PARD3: variants seen among roughly 807,000 people sequenced by gnomAD.
PARD3 encodes the protein partitioning defective 3 homolog.
Under a neutral mutation model 155.4 loss-of-function variants are expected in PARD3, and 75 were observed. The observed-to-expected ratio is 0.48, with a 90% CI of 0.40 to 0.58. PARD3 has a LOEUF of 0.58. PARD3 is among the 20% of genes least tolerant of loss of function. The probability of loss-of-function intolerance (pLI) is 0.00; values close to 1 mark genes in which losing one functional copy is unlikely to be tolerated. For missense variants in PARD3, 1,642 were observed against 1,721.7 expected, an observed-to-expected ratio of 0.95 and a Z score of 0.82; for synonymous variants, 576 against 610.5, an observed-to-expected ratio of 0.94 and a Z score of 0.83.
intron 6 of PARD3, 115 bp from the exon 7 acceptor site, chr10:34,399,528 G>A: frequency 1.4e-6 from 1 of 711,226 alleles, no homozygotes; most frequent in Non-Finnish European, 2.5e-6. Flanking sequence ...CAACAAAAGA[G>A]AACAGAACAA....
At chr10:34,483,412 G>T (rs2079220605) in intron 3 of PARD3, among the ~76,000 whole-genome samples, 1 of 148,732 alleles carries the variant, frequency 6.7e-6, no homozygotes, top group Non-Finnish European at 1.5e-5. Flanking sequence ...AGCCTGGGAG[G>T]TCATGGCTGC....
intron 14 of PARD3, among the ~76,000 whole-genome samples, chr10:34,354,149 A>C (rs1838519289): frequency 6.6e-6 from 1 of 151,890 alleles, no homozygotes; most frequent in Non-Finnish European, 1.5e-5. Flanking sequence ...AAAACAAAAA[A>C]AAAACGCCAG....
chr10:34,736,866 A>G (rs1248146887), intron 1 of PARD3, among the ~76,000 whole-genome samples: 1 of 151,980 alleles, frequency 6.6e-6, no homozygotes, highest in Non-Finnish European at 1.5e-5. Flanking sequence ...TAGTAGAAAC[A>G]GGGTTTCGCC....
chr10:34,760,907 T>C (rs993586769), intron 1 of PARD3, among the ~76,000 whole-genome samples: 46 of 152,194 alleles, frequency 3.0e-4, no homozygotes, highest in African/African-American at 1.1e-3. Context: ...ACAGAAACTA[T>C]GAGTCAGTAA....
chr10:34,436,198 C>T (rs1303564673), intron 5 of PARD3, among the ~76,000 whole-genome samples: 1 of 152,184 alleles, frequency 6.6e-6, no homozygotes, highest in Non-Finnish European at 1.5e-5. Flanking sequence ...GAACTCAATG[C>T]TCTAACAGAG....
chr10:34,476,190 T>C (rs2078693363), intron 3 of PARD3, among the ~76,000 whole-genome samples: 1 of 152,196 alleles, frequency 6.6e-6, no homozygotes, highest in Non-Finnish European at 1.5e-5. Context: ...GAGAAGTGTT[T>C]TATGCCGACA....
At chr10:34,312,478 A>G (rs1957755458) in intron 20 of PARD3, 1 of 1,150,440 alleles carries the variant, frequency 8.7e-7, no homozygotes, top group South Asian at 1.3e-5. Context: ...TAAGATGTAT[A>G]ATCCAAACTA....
chr10:34,284,625 A>T (rs1306203377), intron 20 of PARD3, among the ~76,000 whole-genome samples: 5 of 152,210 alleles, frequency 3.3e-5, no homozygotes, highest in Non-Finnish European at 7.3e-5. Context: ...CTTAGGACTA[A>T]AGAATGATAA....
intron 5 of PARD3, among the ~76,000 whole-genome samples, chr10:34,423,017 C>T (rs2075401433): frequency 6.6e-6 from 1 of 152,100 alleles, no homozygotes; most frequent in Non-Finnish European, 1.5e-5. Context: ...TTAGCGAAGA[C>T]ATGGAATCAA....
intron 14 of PARD3, among the ~76,000 whole-genome samples, chr10:34,353,477 C>A (rs1838420394): frequency 6.6e-6 from 1 of 152,066 alleles, no homozygotes; most frequent in Non-Finnish European, 1.5e-5. Context: ...GGATTAAGGG[C>A]GGTGCAAGAT....
At chr10:34,726,859 G>C (rs577288879) in intron 1 of PARD3, among the ~76,000 whole-genome samples, 1 of 152,024 alleles carries the variant, frequency 6.6e-6, no homozygotes, top group African/African-American at 2.4e-5. Context: ...TCTCCTTTCT[G>C]AGCACAGACC....
chr10:34,299,472 C>T (rs1004911637), intron 20 of PARD3, among the ~76,000 whole-genome samples: 8 of 152,150 alleles, frequency 5.3e-5, no homozygotes, highest in Non-Finnish European at 1.2e-4. Flanking sequence ...GTATAGACAA[C>T]GGTGGAAGAC....
chr10:34,208,124 G>A (rs1197342974), intron 22 of PARD3, among the ~76,000 whole-genome samples: 2 of 152,152 alleles, frequency 1.3e-5, no homozygotes, highest in African/African-American at 2.4e-5. Context: ...GCATTTTTTA[G>A]AGACATAACC....
intron 3 of PARD3, among the ~76,000 whole-genome samples, chr10:34,475,624 T>C (rs1049249390): frequency 6.6e-6 from 1 of 152,314 alleles, no homozygotes; most frequent in East Asian, 1.9e-4. Flanking sequence ...TGGAAAATAT[T>C]AGTTACTGAG....
At chr10:34,446,723 T>A (rs1299267297) in intron 5 of PARD3, among the ~76,000 whole-genome samples, 3 of 152,250 alleles carry the variant, frequency 2.0e-5, no homozygotes, top group Admixed American at 1.3e-4. Context: ...AATGTTTGTA[T>A]GCTAACACTT....
At chr10:34,381,187 C>A (rs749720318) in intron 9 of PARD3, among the ~76,000 whole-genome samples, 2 of 152,096 alleles carry the variant, frequency 1.3e-5, no homozygotes, top group Non-Finnish European at 2.9e-5. Flanking sequence ...GTAAATGCTA[C>A]CCCAAATGTA....
At chr10:34,637,800 A>C (rs548859042) in intron 2 of PARD3, among the ~76,000 whole-genome samples, 63 of 152,348 alleles carry the variant, frequency 4.1e-4, no homozygotes, top group African/African-American at 1.5e-3. Context: ...CAAAAACAGA[A>C]GTGAACCTAA....
At chr10:34,774,301 A>T (rs1172873134) in intron 1 of PARD3, among the ~76,000 whole-genome samples, 1 of 152,254 alleles carries the variant, frequency 6.6e-6, no homozygotes, top group African/African-American at 2.4e-5. Context: ...CTTTTAGGCA[A>T]GGCTTGGCTT....
At chr10:34,186,392 TC>T (rs1203488539) in intron 22 of PARD3, among the ~76,000 whole-genome samples, 1 of 145,744 alleles carries the variant, frequency 6.9e-6, no homozygotes, top group African/African-American at 2.5e-5. Flanking sequence ...CCAGCCTGCC[TC>T]CAGGATGCTC....
Sources: allele counts gnomAD v4.1 joint callset (sites outside exome capture counted in the v4.1 genomes callset), GRCh38; gene constraint gnomAD v4.1.1; transcripts MANE v1.5; gene names NCBI Gene and HGNC (gene_info 2026-07-23, HGNC 2026-07-21).